Variants in GFOD2 observed in about 807,000 individuals in gnomAD.
GFOD2 encodes the protein glucose-fructose oxidoreductase domain-containing protein 2.
A neutral mutation model predicts 24.6 loss-of-function variants in GFOD2; 9 were observed. The ratio of observed to expected loss-of-function variants is 0.37; its 90% CI spans 0.22 to 0.64. The LOEUF (loss-of-function observed/expected upper bound fraction) is 0.64. Ranked by LOEUF, GFOD2 falls within the 30% of genes least tolerant of loss-of-function variation. The pLI is 0.65. For synonymous variants in GFOD2, 211 were observed against 224.8 expected (o/e 0.94, Z 0.55); for missense variants, 476 against 532.5 (o/e 0.89, Z 1.04).
Position 67,675,120 on chromosome 16 carries a change from C to G in GFOD2, c.*35G>C. ...TCTGGCTCCTGTTCCCCTCCCTGGT[C>G]CCTCTGCCCTGTGGCAAGGAGCCCA... On this transcript the variant is annotated 3_prime_UTR_variant, in exon 3 of 3. Coordinates refer to ENST00000268797, the MANE Select transcript of GFOD2 (RefSeq NM_030819.4). The G allele has an allele frequency of 1.3e-6, 2 of 1,574,820 alleles. No homozygotes were observed. The highest frequency in any genetic ancestry group is 1.7e-6 in the Non-Finnish European group (2 of 1,158,182).
At chr16:67,714,285 C>T (rs1597806584) in intron 1 of GFOD2, among the ~76,000 whole-genome samples, 1 of 149,458 alleles carries the variant, frequency 6.7e-6, no homozygotes, top group African/African-American at 2.5e-5. Flanking sequence ...TCAAGACCAG[C>T]CTGGCCAACA....
Position 67,675,461 on chromosome 16 carries a change from C to G in GFOD2, c.852G>C (p.Ser284=). The change falls in exon 3 of 3, where the codon TCG becomes TCC. Residue 284 remains serine, a synonymous_variant. Coordinates refer to ENST00000268797, the MANE Select transcript of GFOD2 (RefSeq NM_030819.4). Reference sequence around the variant, plus strand: ...CAGGCAGTCCTGCGCCCACTGCCAGCGAGTCCCTCAAGAGCAGCTCCTCTT... The same window carrying G: ...CAGGCAGTCCTGCGCCCACTGCCAGGGAGTCCCTCAAGAGCAGCTCCTCTT... The part of the protein sequence containing the change: ...ATQEELLLRD[S]LAVGAGLPEQ... 6.2e-7 allele frequency: 1 copy of G among 1,612,168 alleles called. No individual in the cohort carries two copies. The highest frequency in any genetic ancestry group is 8.5e-7 in the Non-Finnish European group (1 of 1,180,022).
At chr16:67,702,062 G>C (rs959006637) in intron 1 of GFOD2, among the ~76,000 whole-genome samples, 1 of 152,072 alleles carries the variant, frequency 6.6e-6, no homozygotes, top group Non-Finnish European at 1.5e-5. Flanking sequence ...TTTGTAAATA[G>C]TTCTATGGGT....
chr16:67,684,022 C>A, intron 2 of GFOD2: 1 of 403,900 alleles, frequency 2.5e-6, no homozygotes, highest in Non-Finnish European at 3.4e-6. Context: ...TCTAACACAG[C>A]TTTGAATGTC....
rs143841950 is a variant in GFOD2 at position 67,682,212 on chromosome 16, G to C, written c.259+3245C>G. On this transcript the variant is annotated intron_variant, in intron 2 of 2. Transcript: ENST00000268797. ...GCCAACACGCCCAGCTAATTTTTGT[G>C]TTTTTAGTATAGACGAGGTTTCACC... 466 of 316,728 alleles carry C rather than the reference G, an allele frequency of 1.5e-3. 4 individuals carry two copies. Among genetic ancestry groups the C allele is most frequent in the African/African-American group, 9.8e-3 (435 of 44,392 alleles). 19.6% of individuals were successfully genotyped at this position (316,728 alleles called of 1,614,324 possible).
intron 2 of GFOD2, chr16:67,684,835 C>G: frequency 1.0e-6 from 1 of 987,018 alleles, no homozygotes; most frequent in Non-Finnish European, 1.2e-6. Context: ...TGTAGGAGAA[C>G]AGCTCAGCAG....
chr16:67,687,640 C>CAAAAAAA (rs11302803), intron 1 of GFOD2, among the ~76,000 whole-genome samples: 10 of 49,062 alleles, frequency 2.0e-4, no homozygotes, highest in East Asian at 6.4e-4. Context: ...GACTCCGTCT[C>CAAAAAAA]AAAAAAAAAA....
chr16:67,699,010 T>G (rs2053379154), intron 1 of GFOD2, among the ~76,000 whole-genome samples: 1 of 152,082 alleles, frequency 6.6e-6, no homozygotes, highest in South Asian at 2.1e-4. Flanking sequence ...TCTCATAAAC[T>G]TAGGCACAAA....
chr16:67,693,359 A>G (rs1476876749), intron 1 of GFOD2, among the ~76,000 whole-genome samples: 4 of 151,682 alleles, frequency 2.6e-5, no homozygotes, highest in Non-Finnish European at 5.9e-5. Context: ...ACTCACTGCA[A>G]CCTCCGCCTC....
In GFOD2 at chr16:67,675,421, C is replaced by G; in HGVS notation, c.892G>C (p.Asp298His). The G allele has an allele frequency of 6.2e-7, 1 of 1,612,932 alleles. No homozygotes were observed. The highest frequency in any genetic ancestry group is 1.3e-5 in the African/African-American group (1 of 75,060). ...GAGLPEQGPQ[D>H]VPLLYLKGMV... Reference sequence around the variant, plus strand: ...CCCTTCAGGTACAGCAGCGGGACATCCTGGGGCCCCTGCTCAGGCAGTCCT... The same window carrying G: ...CCCTTCAGGTACAGCAGCGGGACATGCTGGGGCCCCTGCTCAGGCAGTCCT... The change falls in exon 3 of 3, where the codon GAT (aspartate) becomes CAT (histidine). Residue 298 changes from aspartate to histidine, a missense_variant. Physicochemically the swap from Asp to His is moderately conservative, Grantham distance 81. Coordinates refer to ENST00000268797, the MANE Select transcript of GFOD2 (RefSeq NM_030819.4).
intron 2 of GFOD2, chr16:67,683,737 G>C (rs2053245081): frequency 8.1e-7 from 1 of 1,228,338 alleles, no homozygotes; most frequent in Admixed American, 4.2e-5. Flanking sequence ...CTCAGAATGA[G>C]GGAGGAGATA....
At chr16:67,707,085 G>A (rs925849027) in intron 1 of GFOD2, among the ~76,000 whole-genome samples, 10 of 147,032 alleles carry the variant, frequency 6.8e-5, no homozygotes, top group African/African-American at 1.0e-4. Context: ...ATGTCCGGGC[G>A]CAGTGGCTCA....
At chr16:67,680,248 G>A (rs1484910399) in intron 2 of GFOD2, among the ~76,000 whole-genome samples, 3 of 152,132 alleles carry the variant, frequency 2.0e-5, no homozygotes, top group Non-Finnish European at 4.4e-5. Flanking sequence ...GGCTGGGTGA[G>A]GTGGCTCACA....
At chr16:67,712,704 AC>A (rs1348367048) in intron 1 of GFOD2, among the ~76,000 whole-genome samples, 1 of 114,678 alleles carries the variant, frequency 8.7e-6, no homozygotes, top group African/African-American at 4.5e-5. Flanking sequence ...CCCGGCCGCC[AC>A]CCCGTCTGGG....
intron 1 of GFOD2, among the ~76,000 whole-genome samples, chr16:67,716,698 G>T (rs138474542): frequency 5.9e-5 from 9 of 152,192 alleles, no homozygotes; most frequent in African/African-American, 9.6e-5. Context: ...TGATTTTCAT[G>T]AAGCCTTTCT....
intron 1 of GFOD2, among the ~76,000 whole-genome samples, chr16:67,716,656 G>C (rs1343237345): frequency 6.6e-6 from 1 of 152,204 alleles, no homozygotes; most frequent in Non-Finnish European, 1.5e-5. Flanking sequence ...GGGTCAACGT[G>C]AAAGTAATGA....
At chr16:67,693,616 C>T (rs746739230) in intron 1 of GFOD2, among the ~76,000 whole-genome samples, 6 of 152,046 alleles carry the variant, frequency 3.9e-5, no homozygotes, top group Admixed American at 6.6e-5. Context: ...ACAGAATGTA[C>T]CATTTTAAAC....
At chr16:67,680,802 T>C (rs962458355) in intron 2 of GFOD2, 3 of 965,090 alleles carry the variant, frequency 3.1e-6, no homozygotes, top group African/African-American at 3.5e-5. Flanking sequence ...CTAGGGTACA[T>C]GTGCACAACG....
chr16:67,715,935 G>A (rs935716337), intron 1 of GFOD2, among the ~76,000 whole-genome samples: 1 of 152,166 alleles, frequency 6.6e-6, no homozygotes, highest in African/African-American at 2.4e-5. Context: ...TTGAGCCCAG[G>A]AGTCAGAGGC....
Sources: gnomAD v4.1 joint callset for allele counts (sites outside exome capture counted in the v4.1 genomes callset) on GRCh38, gnomAD v4.1.1 for gene constraint, MANE v1.5 for transcripts, NCBI Gene and HGNC (gene_info 2026-07-23, HGNC 2026-07-21) for gene names.